Variants in NR2C1 observed in about 807,000 individuals in gnomAD.
NR2C1 encodes TR2 nuclear hormone receptor.
In NR2C1, 33 loss-of-function variants were observed where a neutral mutation model predicts 74.8. That is an observed-to-expected ratio of 0.44 (90% CI 0.33 to 0.59). The LOEUF (loss-of-function observed/expected upper bound fraction) is 0.59. Ranked by LOEUF, NR2C1 falls within the 20% of genes least tolerant of loss-of-function variation. NR2C1 has a pLI of 0.02. For synonymous variants in NR2C1, 225 were observed against 240.6 expected, an observed-to-expected ratio of 0.94 and a Z score of 0.60; for missense variants, 568 against 715.6, an observed-to-expected ratio of 0.79 and a Z score of 2.35.
chr12:95,053,489 GAGTTTTTCTGAGTAT>G (rs954684933), intron 7 of NR2C1, among the ~76,000 whole-genome samples: 1 of 151,868 alleles, frequency 6.6e-6, no homozygotes, highest in South Asian at 2.1e-4. Context: ...TATGATACAT[GAGTTTTTCTGAGTAT>G]AATTTTTAAT....
intron 1 of NR2C1, among the ~76,000 whole-genome samples, chr12:95,068,523 G>A (rs540655919): frequency 2.0e-5 from 3 of 152,194 alleles, no homozygotes; most frequent in South Asian, 4.2e-4. Flanking sequence ...GACCGGCCCC[G>A]GTGGCTCACA....
In NR2C1 at chr12:95,044,650, C is replaced by T. The variant is rs185861665; in HGVS notation, c.1132-4053G>A. On this transcript the variant is annotated intron_variant, in intron 9 of 13. Transcript: ENST00000333003. ...TTATAATCCCAGCACTTTGGGGGGG[C>T]CGAGGTGGGCGGATCATTGGAGCTC... 3.9e-4 allele frequency among the ~76,000 whole-genome samples: 60 copies of T among 152,042 alleles called. 1 individual carries two copies. In the East Asian group the frequency reaches 0.011, roughly 28 times the overall value.
intron 2 of NR2C1, 194 bp from the exon 3 acceptor site, chr12:95,062,932 A>ACATT (rs60252185): frequency 0.084 from 49,615 of 593,546 alleles, 3,246 homozygotes; most frequent in African/African-American, 0.26. Context: ...AATAGTAAGA[A>ACATT]CATTTTGACC....
In NR2C1 at chr12:95,022,385, GAGT is replaced by G; in HGVS notation, c.1653_1655del (p.Leu552del). The G allele has an allele frequency of 6.2e-7, 1 of 1,611,462 alleles. No homozygotes were observed. The highest frequency in any genetic ancestry group is 8.5e-7 in the Non-Finnish European group (1 of 1,179,436). On this transcript the variant is annotated inframe_deletion, in exon 14 of 14. Transcript: ENST00000333003. ...TCATCAGTCTTAAAGCTGGCAATCT[GAGT>G]AGTAGTCTGGATAACCTAAAAAAAG...
intron 9 of NR2C1, among the ~76,000 whole-genome samples, chr12:95,040,873 T>G (rs1161355057): frequency 6.6e-6 from 1 of 152,200 alleles, no homozygotes; most frequent in African/African-American, 2.4e-5. Flanking sequence ...CCTGTCTTGG[T>G]CTAACAATAT....
intron 13 of NR2C1, among the ~76,000 whole-genome samples, chr12:95,024,733 G>A (rs548024744): frequency 6.6e-6 from 1 of 152,234 alleles, no homozygotes; most frequent in East Asian, 1.9e-4. Context: ...ACCAAGCCGG[G>A]CTAATTTTTG....
At chr12:95,046,105 G>A (rs1872278474) in intron 9 of NR2C1, among the ~76,000 whole-genome samples, 2 of 152,142 alleles carry the variant, frequency 1.3e-5, no homozygotes, top group African/African-American at 4.8e-5. Flanking sequence ...CTCCCAAAGT[G>A]CTAGGATTAC....
At position 95,051,789 on chromosome 12, in the gene NR2C1, T is replaced by G; in HGVS notation, c.938A>C (p.Glu313Ala). The change falls in exon 8 of 14, where the codon GAA becomes GCA. Residue 313 changes from glutamate to alanine, a missense_variant. Physicochemically the swap from Glu to Ala is moderately radical, Grantham distance 107 (BLOSUM62 -1). Around this residue, in one of 6 missense-constraint regions of NR2C1, gnomAD observed 239 missense variants for 232.3 expected, o/e 1.03. Transcript: ENST00000333003. ...TGAAACATCACCGTTGGTCTGCATT[T>G]CTTGAAATTCACACAAAGAGGTATC... ...NDDTSLCEFQ[E>A]MQTNGDVSRA... 1 of 1,607,908 alleles carries G rather than the reference T, an allele frequency of 6.2e-7. No individual in the cohort carries two copies. The highest frequency in any genetic ancestry group is 8.5e-7 in the Non-Finnish European group (1 of 1,178,630).
intron 11 of NR2C1, among the ~76,000 whole-genome samples, 185 bp from the exon 12 acceptor site, chr12:95,028,709 A>G (rs1869677324): frequency 6.6e-6 from 1 of 152,158 alleles, no homozygotes; most frequent in Admixed American, 6.5e-5. Flanking sequence ...GGCTCACTGC[A>G]ACCTCTGCCT....
chr12:95,027,080 G>C (rs1185201830), intron 12 of NR2C1, among the ~76,000 whole-genome samples: 1 of 151,906 alleles, frequency 6.6e-6, no homozygotes, highest in African/African-American at 2.4e-5. Flanking sequence ...TTTGAGACAG[G>C]GTCTCCCTCT....
At chr12:95,069,957 G>C (rs1876343388) in intron 1 of NR2C1, among the ~76,000 whole-genome samples, 1 of 152,098 alleles carries the variant, frequency 6.6e-6, no homozygotes, top group Non-Finnish European at 1.5e-5. Context: ...TAATAAAGAT[G>C]GTCTCTACCC....
chr12:95,030,351 A>G, intron 11 of NR2C1: 2 of 803,532 alleles, frequency 2.5e-6, no homozygotes, highest in Non-Finnish European at 3.4e-6. Flanking sequence ...CAAGACTACT[A>G]TAATAAAAAC....
intron 2 of NR2C1, chr12:95,062,982 T>A (rs562855066): frequency 3.2e-5 from 17 of 537,360 alleles, no homozygotes; most frequent in Non-Finnish European, 5.3e-5. Flanking sequence ...CCTCCCATGT[T>A]CCATTTAGAC....
chr12:95,040,435 C>A, intron 10 of NR2C1, 41 bp downstream of exon 10: 1 of 1,571,428 alleles, frequency 6.4e-7, no homozygotes, highest in Non-Finnish European at 8.6e-7. Context: ...TACATTTGCA[C>A]TACAAAATCA....
At chr12:95,041,532 T>G (rs1243748647) in intron 9 of NR2C1, among the ~76,000 whole-genome samples, 1 of 151,828 alleles carries the variant, frequency 6.6e-6, no homozygotes, top group Non-Finnish European at 1.5e-5. Context: ...AAAAAAAAAA[T>G]GTTTTAAAAA....
chr12:95,051,130 T>C (rs10859825), intron 8 of NR2C1, among the ~76,000 whole-genome samples: 11,199 of 152,236 alleles, frequency 0.074, 506 homozygotes, highest in East Asian at 0.15. Context: ...TAAGTGAAAA[T>C]AGAAATGTAG....
At chr12:95,046,642 G>C (rs1872353716) in intron 9 of NR2C1, among the ~76,000 whole-genome samples, 1 of 152,106 alleles carries the variant, frequency 6.6e-6, no homozygotes, top group Non-Finnish European at 1.5e-5. Context: ...AGGCCCAAAG[G>C]AAACAGTGTA....
At chr12:95,046,587 C>A (rs1230997417) in intron 9 of NR2C1, among the ~76,000 whole-genome samples, 10 of 150,582 alleles carry the variant, frequency 6.6e-5, no homozygotes, top group Non-Finnish European at 1.3e-4. Context: ...CCCTATCTCA[C>A]AAAGAAAAAA....
chr12:95,049,554 C>T, intron 8 of NR2C1: 2 of 177,556 alleles, frequency 1.1e-5, no homozygotes, highest in South Asian at 1.8e-4. Flanking sequence ...GCTATGATCA[C>T]ACCACTGTAC....
Sources: gnomAD v4.1 joint callset for allele counts (sites outside exome capture counted in the v4.1 genomes callset) on GRCh38, gnomAD v4.1.1 for gene constraint, gnomAD v4.1.1 regional missense constraint, MANE v1.5 for transcripts, NCBI Gene and HGNC (gene_info 2026-07-23, HGNC 2026-07-21) for gene names.